The following SOX5 variants were observed in gnomAD, a reference collection of about 807,000 sequenced individuals.
The protein encoded by SOX5 is transcription factor SOX-5.
SOX5 carries 9 observed loss-of-function variants against 92.0 expected under a neutral mutation model. That is an observed-to-expected ratio of 0.10 (90% CI 0.06 to 0.17). SOX5 has a LOEUF of 0.17. SOX5 is among the 10% of genes least tolerant of loss of function. The probability of loss-of-function intolerance (pLI) is 1.00; values close to 1 mark genes in which losing one functional copy is unlikely to be tolerated. For synonymous variants in SOX5, 344 were observed against 336.3 expected (o/e 1.02, Z -0.25); for missense variants, 642 against 944.5 (o/e 0.68, Z 4.20).
chr12:23,647,900 G>A (rs1389383611), intron 7 of SOX5, among the ~76,000 whole-genome samples: 1 of 152,172 alleles, frequency 6.6e-6, no homozygotes, highest in African/African-American at 2.4e-5. Flanking sequence ...CTTATTATTT[G>A]TGTGTTCACT....
chr12:23,869,361 C>T (rs1409586857), intron 2 of SOX5, among the ~76,000 whole-genome samples: 2 of 152,136 alleles, frequency 1.3e-5, no homozygotes, highest in African/African-American at 4.8e-5. Context: ...TTTTCCCTCA[C>T]TTTGCTTGGA....
At position 24,075,690 on chromosome 12, in the gene SOX5, A is replaced by C. The variant is rs559631713; in HGVS notation, c.-2+137653T>G. Among the ~76,000 whole-genome samples, 4 of 152,232 alleles carry C rather than the reference A, an allele frequency of 2.6e-5. No individual in the cohort carries two copies. In the East Asian group the frequency reaches 7.7e-4, roughly 29 times the overall value. ...GACATGATTGAAATAAGCAAACCCAAAGTTTAAATGCTCCTCAGCTGGACT... is the reference window on the plus strand; with the variant it reads ...GACATGATTGAAATAAGCAAACCCACAGTTTAAATGCTCCTCAGCTGGACT... On this transcript the variant is annotated intron_variant, in intron 4 of 4. Transcript: ENST00000446891.
rs956662791 is a variant in SOX5, at chr12:24,545,506, C to CA, written c.-251+16822dup. 2.7e-3 allele frequency among the ~76,000 whole-genome samples: 391 copies of CA among 143,184 alleles called. 2 individuals are homozygous for CA. Among genetic ancestry groups the CA allele is most frequent in the Middle Eastern group, 0.011 (3 of 272 alleles). 93.9% of individuals were successfully genotyped at this position (143,184 alleles called of 152,430 possible). Reference sequence around the variant, plus strand: ...AAGGGGTTTAAAAAGGTTTTCTTCTCAAAAAAAAAAATCGACAGATTTTCA... The same window carrying CA: ...AAGGGGTTTAAAAAGGTTTTCTTCTCAAAAAAAAAAAATCGACAGATTTTCA... On this transcript the variant is annotated intron_variant, in intron 1 of 4. Coordinates refer to the SOX5 transcript ENST00000446891.
chr12:23,979,941 A>G (rs1569373006), intron 4 of SOX5, among the ~76,000 whole-genome samples: 1 of 137,460 alleles, frequency 7.3e-6, no homozygotes, highest in Non-Finnish European at 1.6e-5. Flanking sequence ...AGACAGATAG[A>G]TAGATAGATA....
At chr12:24,446,520 T>A (rs1941497706) in intron 1 of SOX5, among the ~76,000 whole-genome samples, 1 of 152,126 alleles carries the variant, frequency 6.6e-6, no homozygotes, top group African/African-American at 2.4e-5. Flanking sequence ...AGAGATGAGA[T>A]CAGAGAGATG....
chr12:23,570,933 ATATATATATATATATATATATATAT>A (rs1948222077), intron 10 of SOX5, among the ~76,000 whole-genome samples: 2 of 8,226 alleles, frequency 2.4e-4, no homozygotes, highest in African/African-American at 9.6e-4. Context: ...AAAAAAAAAT[ATATATATATATATATATATATATAT>A]ATATATATAT....
At chr12:23,685,128 G>C (rs1307680108) in intron 6 of SOX5, among the ~76,000 whole-genome samples, 1 of 152,140 alleles carries the variant, frequency 6.6e-6, no homozygotes, top group Non-Finnish European at 1.5e-5. Flanking sequence ...AACTGAGTCA[G>C]TGAGTAGTCA....
intron 4 of SOX5, among the ~76,000 whole-genome samples, chr12:24,087,030 T>C (rs1342779880): frequency 1.3e-5 from 2 of 152,100 alleles, no homozygotes; most frequent in Non-Finnish European, 2.9e-5. Flanking sequence ...GAGTGACCTT[T>C]TTCTAAATTA....
intron 9 of SOX5, among the ~76,000 whole-genome samples, chr12:23,585,871 G>A (rs982923433): frequency 1.3e-5 from 2 of 152,056 alleles, no homozygotes; most frequent in Admixed American, 6.6e-5. Flanking sequence ...CCCGTGTGTG[G>A]GTGTCATGGC....
At chr12:24,313,364 T>C (rs1274073655) in intron 2 of SOX5, among the ~76,000 whole-genome samples, 2 of 151,782 alleles carry the variant, frequency 1.3e-5, no homozygotes, top group Non-Finnish European at 2.9e-5. Flanking sequence ...CCCATCTCTA[T>C]AAAAAAATAA....
chr12:24,483,348 A>G (rs968272428), intron 1 of SOX5, among the ~76,000 whole-genome samples: 5 of 152,160 alleles, frequency 3.3e-5, no homozygotes, highest in African/African-American at 7.2e-5. Flanking sequence ...TTCAGTTTTT[A>G]TGGGCTTTTC....
At chr12:23,875,147 T>C (rs1353913198) in intron 2 of SOX5, among the ~76,000 whole-genome samples, 1 of 152,200 alleles carries the variant, frequency 6.6e-6, no homozygotes, top group African/African-American at 2.4e-5. Flanking sequence ...AGGGGGAGTT[T>C]TACTCCTCTG....
At chr12:23,881,932 A>T (rs557992164) in intron 2 of SOX5, among the ~76,000 whole-genome samples, 1 of 152,354 alleles carries the variant, frequency 6.6e-6, no homozygotes, top group Non-Finnish European at 1.5e-5. Context: ...ACTGAAAAGG[A>T]CATAAGTGAA....
intron 8 of SOX5, among the ~76,000 whole-genome samples, chr12:23,630,055 GAAAT>G (rs1473701119): frequency 6.6e-6 from 1 of 151,792 alleles, no homozygotes; most frequent in African/African-American, 2.4e-5. Context: ...TATTACCTAG[GAAAT>G]AAATAAGCTT....
intron 4 of SOX5, among the ~76,000 whole-genome samples, chr12:24,075,657 T>A (rs183641972): frequency 0.044 from 6,623 of 152,192 alleles, 164 homozygotes; most frequent in Admixed American, 0.064. Context: ...CATTTTTTTT[T>A]TAAAAAAGAC....
intron 3 of SOX5, among the ~76,000 whole-genome samples, chr12:24,245,867 A>C: frequency 6.6e-6 from 1 of 152,242 alleles, no homozygotes; most frequent in East Asian, 1.9e-4. Context: ...GAAACAGTAA[A>C]GAAAAAAACT....
At chr12:23,672,673 T>C (rs2084990182) in intron 6 of SOX5, among the ~76,000 whole-genome samples, 1 of 152,126 alleles carries the variant, frequency 6.6e-6, no homozygotes, top group Non-Finnish European at 1.5e-5. Context: ...CTAGATATAA[T>C]AGAAACTGAA....
At chr12:24,512,967 G>A (rs1367240322) in intron 1 of SOX5, among the ~76,000 whole-genome samples, 1 of 152,170 alleles carries the variant, frequency 6.6e-6, no homozygotes, top group African/African-American at 2.4e-5. Context: ...ATTTATGATG[G>A]TGCAAAGGCA....
chr12:23,792,325 C>T (rs111987225), intron 3 of SOX5, among the ~76,000 whole-genome samples: 62 of 151,716 alleles, frequency 4.1e-4, no homozygotes, highest in African/African-American at 1.3e-3. Flanking sequence ...ATAACTAAGG[C>T]GATAAAAATC....
Sources: gnomAD v4.1 joint callset for allele counts (sites outside exome capture counted in the v4.1 genomes callset) on GRCh38, gnomAD v4.1.1 for gene constraint, MANE v1.5 for transcripts, NCBI Gene and HGNC (gene_info 2026-07-23, HGNC 2026-07-21) for gene names.